The following KPNA7 variants were observed in gnomAD, a reference collection of about 807,000 sequenced individuals.
The protein encoded by KPNA7 is importin subunit alpha-8.
A neutral mutation model predicts 53.7 loss-of-function variants in KPNA7; 54 were observed. That is an observed-to-expected ratio of 1.01 (90% confidence interval 0.81 to 1.26). The LOEUF is 1.26. KPNA7 is among the 50% of genes most tolerant of loss of function. The pLI is 0.00. For missense variants in KPNA7, 640 were observed against 644.5 expected, an observed-to-expected ratio of 0.99 and a Z score of 0.07; for synonymous variants, 276 against 259.3, an observed-to-expected ratio of 1.06 and a Z score of -0.62.
At chr7:99,160,953 C>T in the KPNA7 span, among the ~76,000 whole-genome samples, 1 of 151,948 alleles carries the variant, frequency 6.6e-6, no homozygotes, top group Non-Finnish European at 1.5e-5. Context: ...TGCAACCTCC[C>T]AGGTTCAAGC....
intron 2 of KPNA7, 101 bp from the exon 3 acceptor site, chr7:99,203,341 T>C (rs192096077): frequency 8.0e-5 from 99 of 1,239,606 alleles, no homozygotes; most frequent in Non-Finnish European, 1.1e-4. Flanking sequence ...TTTTTACAGA[T>C]ACAATAGGCT....
At chr7:99,187,797 TTTAAAA>T (rs374419131) in intron 7 of KPNA7, among the ~76,000 whole-genome samples, 1,425 of 79,894 alleles carry the variant, frequency 0.018, 58 homozygotes, top group East Asian at 0.049. Context: ...GGCCTTTTTT[TTTAAAA>T]AAAAAAAAAA....
chr7:99,216,044 T>C (rs888405616), intron 1 of KPNA7, among the ~76,000 whole-genome samples: 66 of 151,996 alleles, frequency 4.3e-4, no homozygotes, highest in Admixed American at 7.2e-4. Flanking sequence ...CCTTTTTGTT[T>C]TGAGATAGGT....
chr7:99,206,875 C>A (rs1487695255), intron 2 of KPNA7, among the ~76,000 whole-genome samples: 1 of 152,150 alleles, frequency 6.6e-6, no homozygotes, highest in Non-Finnish European at 1.5e-5. Context: ...GCTCCTAAGT[C>A]CACATGCTTT....
At chr7:99,165,989 G>T in the KPNA7 span, among the ~76,000 whole-genome samples, 1 of 142,950 alleles carries the variant, frequency 7.0e-6, no homozygotes, top group South Asian at 2.5e-4. Context: ...AGATCTGGTT[G>T]TTTAAAAGTG....
chr7:99,152,040 C>A, the KPNA7 span, among the ~76,000 whole-genome samples: 8 of 151,894 alleles, frequency 5.3e-5, no homozygotes, highest in East Asian at 7.7e-4. Context: ...AAAAATTAGC[C>A]GGGCATGGTG....
intron 7 of KPNA7, among the ~76,000 whole-genome samples, chr7:99,185,437 CTT>C (rs1241721579): frequency 6.6e-6 from 1 of 152,176 alleles, no homozygotes; most frequent in African/African-American, 2.4e-5. Flanking sequence ...GCCTTCAACT[CTT>C]GGGCTCAAGT....
At chr7:99,191,632 A>G (rs1209397621) in intron 6 of KPNA7, among the ~76,000 whole-genome samples, 6 of 151,876 alleles carry the variant, frequency 4.0e-5, no homozygotes, top group African/African-American at 1.5e-4. Flanking sequence ...TATTGGTTCA[A>G]CCATGTCAGA....
At chr7:99,216,978 A>G (rs1584328269) in intron 1 of KPNA7, among the ~76,000 whole-genome samples, 1 of 152,128 alleles carries the variant, frequency 6.6e-6, no homozygotes, top group African/African-American at 2.4e-5. Context: ...TGAGCTTTCT[A>G]TACTTTTCTA....
chr7:99,212,280 TG>T (rs1283279794), upstream of KPNA7, among the ~76,000 whole-genome samples: 1 of 145,844 alleles, frequency 6.9e-6, no homozygotes, highest in African/African-American at 2.5e-5. Context: ...GTTTCATTCT[TG>T]TAGCCCAGGC....
At chr7:99,172,234 T>C (rs1358074821), downstream of KPNA7, among the ~76,000 whole-genome samples, 1 of 152,202 alleles carries the variant, frequency 6.6e-6, no homozygotes, top group African/African-American at 2.4e-5. Flanking sequence ...GCATAATGTT[T>C]AGAATTACAA....
the KPNA7 span, among the ~76,000 whole-genome samples, chr7:99,147,595 AT>A: frequency 6.6e-6 from 1 of 152,224 alleles, no homozygotes; most frequent in African/African-American, 2.4e-5. Context: ...GTTTGAGACC[AT>A]CCTGGCCAAC....
upstream of KPNA7, among the ~76,000 whole-genome samples, chr7:99,212,391 C>T (rs921863875): frequency 6.6e-6 from 1 of 151,714 alleles, no homozygotes; most frequent in African/African-American, 2.4e-5. Context: ...TTACAGGCAC[C>T]TGCCACCACG....
At chr7:99,160,230 G>C in the KPNA7 span, among the ~76,000 whole-genome samples, 1 of 151,738 alleles carries the variant, frequency 6.6e-6, no homozygotes, top group Non-Finnish European at 1.5e-5. Context: ...GTTTCACCGT[G>C]TTAGCCAGGA....
At chr7:99,157,154 G>A in the KPNA7 span, among the ~76,000 whole-genome samples, 5 of 152,064 alleles carry the variant, frequency 3.3e-5, no homozygotes, top group East Asian at 1.9e-4. Flanking sequence ...AATTCCCCCC[G>A]ATTCTGACTG....
At chr7:99,168,395 G>A in the KPNA7 span, among the ~76,000 whole-genome samples, 6 of 152,156 alleles carry the variant, frequency 3.9e-5, no homozygotes, top group Non-Finnish European at 2.9e-5. Context: ...ATCCCCAACA[G>A]AGCAAAACCC....
At chr7:99,156,522 C>T in the KPNA7 span, among the ~76,000 whole-genome samples, 1 of 151,952 alleles carries the variant, frequency 6.6e-6, no homozygotes, top group Admixed American at 6.6e-5. Flanking sequence ...TTCTTCAATT[C>T]TGATACTTTT....
At chr7:99,150,249 C>G in the KPNA7 span, among the ~76,000 whole-genome samples, 1 of 151,854 alleles carries the variant, frequency 6.6e-6, no homozygotes, top group Non-Finnish European at 1.5e-5. Flanking sequence ...GCGCATGCCA[C>G]CAAACCTGGC....
chr7:99,213,130 AT>A (rs71108433), intron 1 of KPNA7, among the ~76,000 whole-genome samples: 399 of 140,958 alleles, frequency 2.8e-3, no homozygotes, highest in South Asian at 7.2e-3. Context: ...GCCAAAAGGG[AT>A]TTTTTTTTTT....
Sources: gnomAD v4.1 joint callset for allele counts (sites outside exome capture counted in the v4.1 genomes callset) on GRCh38, gnomAD v4.1.1 for gene constraint, MANE v1.5 for transcripts, NCBI Gene and HGNC (gene_info 2026-07-23, HGNC 2026-07-21) for gene names.